Variants in CACNA1C observed in about 807,000 individuals in gnomAD.
The protein encoded by CACNA1C is calcium voltage-gated channel subunit alpha1 C.
Under a neutral mutation model 229.0 loss-of-function variants are expected in CACNA1C, and 30 were observed. That is an observed-to-expected ratio of 0.13 (90% confidence interval 0.10 to 0.18). The LOEUF (loss-of-function observed/expected upper bound fraction) is 0.18. CACNA1C is among the 10% of genes least tolerant of loss of function. The probability of loss-of-function intolerance (pLI) is 1.00; values close to 1 mark genes in which losing one functional copy is unlikely to be tolerated. For synonymous variants in CACNA1C, 1,114 were observed against 1,132.5 expected (o/e 0.98, Z 0.33); for missense variants, 1,658 against 2,845.0 (o/e 0.58, Z 9.49).
At chr12:2,648,282 A>T (rs1603304163) in intron 30 of CACNA1C, among the ~76,000 whole-genome samples, 193 bp from the exon 31 acceptor site, 4 of 152,108 alleles carry the variant, frequency 2.6e-5, no homozygotes, top group Admixed American at 2.6e-4. Context: ...TTGACATGAG[A>T]CCCAGCAACA....
rs7957468 is a variant in CACNA1C, at chr12:2,229,805, C to T, written c.477+109375C>T. 5.0e-3 allele frequency among the ~76,000 whole-genome samples: 760 copies of T among 152,180 alleles called. 11 individuals are homozygous for T. The highest frequency in any genetic ancestry group is 0.017 in the African/African-American group (716 of 41,532). ...GAGGGAGCGGCATGAGCAGGGTGGG[C>T]GCTGGTTGCAGGTGAGGGGTCCCGA... On this transcript the variant is annotated intron_variant, in intron 3 of 46. Coordinates refer to ENST00000399655, the MANE Select transcript of CACNA1C (RefSeq NM_000719.7).
intron 3 of CACNA1C, among the ~76,000 whole-genome samples, chr12:2,220,147 A>G (rs115161691): frequency 0.011 from 1,625 of 152,272 alleles, 24 homozygotes; most frequent in African/African-American, 0.037. Flanking sequence ...TCCCTGGGCA[A>G]TTGTACAGAA....
At position 1,996,632 on chromosome 12, in the gene CACNA1C, AAAAAAAAAAAAAAAAAAAAAAAACAAC is replaced by A. The variant is rs1302780648; in HGVS notation, c.139+25435_139+25461del. On this transcript the variant is annotated intron_variant, in intron 1 of 46. Transcript: ENST00000682462. ...CTGATGAGCTAAAAAAAAAAAAAAA[AAAAAAAAAAAAAAAAAAAAAAAACAAC>A]AAACTCTTCTAATGTTTTAAAGAAG... Among the ~76,000 whole-genome samples, 68 of 108,924 alleles carry A rather than the reference AAAAAAAAAAAAAAAAAAAAAAAACAAC, an allele frequency of 6.2e-4. 3 individuals are homozygous for A. The East Asian group carries it at 9.3e-3, about 15-fold the overall frequency. 71.5% of individuals were successfully genotyped at this position (108,924 alleles called of 152,430 possible). A position where few individuals can be genotyped will look rare whatever the true frequency, so the allele number is the denominator to read the frequency against.
chr12:2,111,336 C>T lies in CACNA1C; in HGVS notation c.50-3888C>T, dbSNP rs369873108. ...CCCAGGGCTCTGCACAGCCAGCTGC[C>T]GTCTTGGTAGCTTCTACCTCGTGCT... On this transcript the variant is annotated intron_variant, in intron 1 of 46. Transcript: ENST00000399655. 2.6e-5 allele frequency among the ~76,000 whole-genome samples: 4 copies of T among 152,174 alleles called. No individual in the cohort carries two copies. The East Asian group carries it at 5.8e-4, about 22-fold the overall frequency.
chr12:2,133,543 C>T (rs1264820923), intron 3 of CACNA1C, among the ~76,000 whole-genome samples: 3 of 24,576 alleles, frequency 1.2e-4, no homozygotes, highest in Admixed American at 4.3e-4. Context: ...ATCTTTATTT[C>T]TGACTTCATT....
intron 1 of CACNA1C, among the ~76,000 whole-genome samples, chr12:2,018,028 A>G (rs1189023344): frequency 2.0e-5 from 3 of 152,254 alleles, no homozygotes; most frequent in Non-Finnish European, 2.9e-5. Flanking sequence ...CAAGGGACAC[A>G]GGAAAACAGG....
intron 3 of CACNA1C, among the ~76,000 whole-genome samples, chr12:2,418,178 C>T (rs1259845899): frequency 3.3e-5 from 5 of 152,134 alleles, no homozygotes; most frequent in Admixed American, 2.0e-4. Flanking sequence ...CAGGCATCTC[C>T]CAGGCTGGCT....
intron 3 of CACNA1C, among the ~76,000 whole-genome samples, chr12:2,235,811 C>G (rs1169561363): frequency 2.0e-5 from 3 of 152,118 alleles, no homozygotes; most frequent in Admixed American, 2.0e-4. Context: ...TGGAATGACT[C>G]CCAGGTTCCA....
chr12:2,384,163 A>G (rs112609896), intron 3 of CACNA1C, among the ~76,000 whole-genome samples: 104 of 152,346 alleles, frequency 6.8e-4, no homozygotes, highest in African/African-American at 2.4e-3. Flanking sequence ...ACACTGTTGC[A>G]CTCAAGTTTT....
intron 5 of CACNA1C, among the ~76,000 whole-genome samples, chr12:2,468,262 CAT>C (rs1290846289): frequency 2.0e-5 from 3 of 152,240 alleles, no homozygotes; most frequent in African/African-American, 4.8e-5. Flanking sequence ...AGGAACGTCA[CAT>C]GTGTGCTAAG....
intron 3 of CACNA1C, among the ~76,000 whole-genome samples, chr12:2,148,102 G>T (rs539471229): frequency 6.6e-6 from 1 of 151,292 alleles, no homozygotes; most frequent in African/African-American, 2.4e-5. Flanking sequence ...AAGTCATAAG[G>T]AATCTCTGAA....
rs545286253 is a variant in CACNA1C, at chr12:2,169,366, G to T, written c.477+48936G>T. 2.6e-3 allele frequency among the ~76,000 whole-genome samples: 393 copies of T among 152,220 alleles called. 6 individuals carry two copies. Among genetic ancestry groups the T allele is most frequent in the African/African-American group, 9.2e-3 (382 of 41,532 alleles). Reference sequence around the variant, plus strand: ...CTCTGATCTGTTCCCAATCTGAAACGTGTGAGTACATCACTTCAGATATTT... The same window carrying T: ...CTCTGATCTGTTCCCAATCTGAAACTTGTGAGTACATCACTTCAGATATTT... On this transcript the variant is annotated intron_variant, in intron 3 of 46. Coordinates refer to ENST00000399655, the MANE Select transcript of CACNA1C (RefSeq NM_000719.7).
intron 1 of CACNA1C, among the ~76,000 whole-genome samples, chr12:2,055,522 T>G (rs929899197): frequency 1.2e-4 from 18 of 152,222 alleles, no homozygotes; most frequent in African/African-American, 4.3e-4. Context: ...TTACTCTGGT[T>G]GTTTTCTTTG....
intron 3 of CACNA1C, among the ~76,000 whole-genome samples, chr12:2,197,751 A>G (rs2097453894): frequency 6.6e-6 from 1 of 152,198 alleles, no homozygotes; most frequent in Admixed American, 6.5e-5. Flanking sequence ...GGGAAGATTA[A>G]TTTTTGAACC....
chr12:2,425,975 T>G (rs2099027562), intron 3 of CACNA1C, among the ~76,000 whole-genome samples: 1 of 152,192 alleles, frequency 6.6e-6, no homozygotes, highest in Admixed American at 6.5e-5. Flanking sequence ...GTATTCTTGT[T>G]GGGGGAACAG....
At chr12:2,208,180 G>A (rs1440300114) in intron 3 of CACNA1C, among the ~76,000 whole-genome samples, 1 of 152,198 alleles carries the variant, frequency 6.6e-6, no homozygotes, top group African/African-American at 2.4e-5. Flanking sequence ...CAAGTATAAA[G>A]TGATAAGCAA....
In CACNA1C at chr12:2,653,989, C is replaced by A; in HGVS notation, c.4140+89C>A. 9.8e-7 allele frequency: 1 copy of A among 1,019,728 alleles called. No individual in the cohort carries two copies. Among genetic ancestry groups the A allele is most frequent in the Non-Finnish European group, 1.5e-6 (1 of 664,286 alleles). The allele number at this position is 1,019,728 out of a possible 1,614,324, so 63.2% of individuals were successfully genotyped here. ...CACATTCCCTAACGCCTTCCTCCCT[C>A]CCTTCTCCCTTTCATTCCTGACTGT... On this transcript the variant is annotated intron_variant, in intron 33 of 46. Coordinates refer to ENST00000399655, the MANE Select transcript of CACNA1C (RefSeq NM_000719.7). The surrounding 1 kb of genome is among the most constrained non-coding windows in gnomAD (Gnocchi z 4.7).
In CACNA1C at chr12:2,688,564, C is replaced by T; in HGVS notation, c.5902C>T (p.Pro1968Ser). 6.2e-7 allele frequency: 1 copy of T among 1,613,994 alleles called. No individual in the cohort carries two copies. Among genetic ancestry groups the T allele is most frequent in the East Asian group, 2.2e-5 (1 of 44,878 alleles). Reference protein sequence around the residue: ...TPGSRGWPPQPVPTLRLEGVE... With the variant: ...TPGSRGWPPQSVPTLRLEGVE... ...TGGCAGCCGAGGCTGGCCCCCACAG[C>T]CCGTCCCCACCCTGCGGCTTGAGGG... is the stretch of plus-strand genomic sequence containing the variant. The change falls in exon 46 of 47, where the codon CCC becomes TCC. Residue 1968 changes from proline to serine, a missense_variant. By Grantham distance (74) the Pro-to-Ser change is moderately conservative (BLOSUM62 -1). This residue lies in a region of CACNA1C where 590 missense variants were observed against 700.8 expected (regional missense o/e 0.84). Transcript: ENST00000399655.
At position 2,653,326 on chromosome 12, in the gene CACNA1C, A is replaced by G. The variant is rs2095211704; in HGVS notation, c.4075-509A>G. On this transcript the variant is annotated intron_variant, in intron 32 of 46. Transcript: ENST00000399655. The surrounding 1 kb of genome is among the most constrained non-coding windows in gnomAD (Gnocchi z 4.7). ...AACCCTCACAGATAGAAAGTGGCAG[A>G]AACAGGATTTGAACCCATGATCTTT... Among the ~76,000 whole-genome samples the G allele has an allele frequency of 6.6e-6, 1 of 152,226 alleles. No individual in the cohort carries two copies. Among genetic ancestry groups the G allele is most frequent in the South Asian group, 2.1e-4 (1 of 4,826 alleles).
Sources: allele counts gnomAD v4.1 joint callset (sites outside exome capture counted in the v4.1 genomes callset), GRCh38; gene constraint gnomAD v4.1.1; regional missense constraint gnomAD v4.1.1; non-coding constraint Gnocchi (gnomAD v3.1); transcripts MANE v1.5; gene names NCBI Gene and HGNC (gene_info 2026-07-23, HGNC 2026-07-21).